ATP8A1: variants seen among roughly 807,000 people sequenced by gnomAD.
ATP8A1 encodes ATPase phospholipid transporting 8A1, also known as phospholipid-transporting ATPase IA.
Under a neutral mutation model 177.7 loss-of-function variants are expected in ATP8A1, and 90 were observed. The observed-to-expected ratio is 0.51, with a 90% CI of 0.43 to 0.60. The LOEUF (loss-of-function observed/expected upper bound fraction) is 0.60, where lower values mean the gene tolerates loss of function less well. Among genes scored for constraint, ATP8A1 ranks in the 20% least tolerant of loss-of-function variants. The pLI is 0.00. For missense variants in ATP8A1, 1,072 were observed against 1,392.8 expected (o/e 0.77, Z 3.67); for synonymous variants, 493 against 485.9 (o/e 1.01, Z -0.19).
intron 35 of ATP8A1, among the ~76,000 whole-genome samples, chr4:42,420,662 C>T (rs540567373): frequency 7.9e-5 from 12 of 152,192 alleles, no homozygotes; most frequent in Admixed American, 1.3e-4. Flanking sequence ...TATTAACATA[C>T]TTACAAATCT....
chr4:42,445,906 C>T (rs1717162698), intron 31 of ATP8A1, among the ~76,000 whole-genome samples: 1 of 151,918 alleles, frequency 6.6e-6, no homozygotes, highest in South Asian at 2.1e-4. Context: ...ATGGTGAAAC[C>T]TTGTCTCTAC....
intron 4 of ATP8A1, among the ~76,000 whole-genome samples, chr4:42,619,603 T>A (rs1019495652): frequency 2.1e-5 from 3 of 142,992 alleles, no homozygotes; most frequent in African/African-American, 7.5e-5. Flanking sequence ...TTTTAATCTA[T>A]CTATCTACAC....
chr4:42,647,341 T>C (rs565738932), intron 1 of ATP8A1, among the ~76,000 whole-genome samples: 3 of 152,280 alleles, frequency 2.0e-5, no homozygotes, highest in African/African-American at 7.2e-5. Flanking sequence ...TTTACAACTA[T>C]GCTGTTCAAT....
rs115334153 is a variant in ATP8A1 at position 42,579,567 on chromosome 4, A to C, written c.1000+246T>G. On this transcript the variant is annotated intron_variant, in intron 11 of 36. Transcript: ENST00000381668. ...TCGTTGATATATATAATAAATGACT[A>C]TACTTAGTGAACATTTTATACCACT... Among the ~76,000 whole-genome samples, 735 of 151,964 alleles carry C rather than the reference A, an allele frequency of 4.8e-3. 4 individuals are homozygous for C. Among genetic ancestry groups the C allele is most frequent in the African/African-American group, 0.017 (689 of 41,516 alleles).
chr4:42,639,721 A>G (rs1739769585), intron 1 of ATP8A1, among the ~76,000 whole-genome samples: 1 of 152,252 alleles, frequency 6.6e-6, no homozygotes, highest in East Asian at 1.9e-4. Context: ...GTTACTAATC[A>G]GAGAAGAACT....
intron 2 of ATP8A1, 38 bp from the exon 3 acceptor site, chr4:42,625,751 C>T: frequency 8.0e-7 from 1 of 1,253,788 alleles, no homozygotes; most frequent in South Asian, 1.4e-5. Context: ...AAAACTTCTC[C>T]ATAATTAGCA....
intron 20 of ATP8A1, among the ~76,000 whole-genome samples, chr4:42,527,445 T>C (rs1283367582): frequency 2.0e-5 from 3 of 152,294 alleles, no homozygotes; most frequent in Middle Eastern, 3.4e-3. Context: ...CCATCCCCAG[T>C]AGGGGCAACT....
At chr4:42,446,526 A>C in intron 31 of ATP8A1, 57 bp downstream of exon 31, 1 of 1,519,506 alleles carries the variant, frequency 6.6e-7, no homozygotes, top group Non-Finnish European at 9.1e-7. Flanking sequence ...AAATAAAATG[A>C]GGACAGATGA....
At chr4:42,634,538 T>A (rs1378657406) in intron 1 of ATP8A1, among the ~76,000 whole-genome samples, 1 of 152,160 alleles carries the variant, frequency 6.6e-6, no homozygotes, top group South Asian at 2.1e-4. Context: ...ATCAATAATG[T>A]TTAAAATACA....
chr4:42,498,569 C>G (rs1459165997), intron 24 of ATP8A1, among the ~76,000 whole-genome samples: 1 of 152,034 alleles, frequency 6.6e-6, no homozygotes, highest in East Asian at 1.9e-4. Flanking sequence ...AAACCTACAG[C>G]TGGTTTGGGG....
intron 25 of ATP8A1, among the ~76,000 whole-genome samples, chr4:42,466,639 A>T (rs756182713): frequency 3.9e-5 from 6 of 152,208 alleles, no homozygotes; most frequent in Non-Finnish European, 7.3e-5. Flanking sequence ...ACCATTTTTA[A>T]TTTTTTCTTT....
intron 25 of ATP8A1, chr4:42,471,849 G>A (rs1401790995): frequency 3.4e-6 from 2 of 585,640 alleles, no homozygotes; most frequent in African/African-American, 1.9e-5. Flanking sequence ...GCCCAACAGC[G>A]AGACGCCAAA....
At chr4:42,544,982 A>C (rs1335938141) in intron 19 of ATP8A1, among the ~76,000 whole-genome samples, 1 of 152,050 alleles carries the variant, frequency 6.6e-6, no homozygotes, top group Non-Finnish European at 1.5e-5. Context: ...CAACATGGTG[A>C]AACCCTGTCT....
chr4:42,642,699 A>G (rs1046315920), intron 1 of ATP8A1, among the ~76,000 whole-genome samples: 1 of 152,222 alleles, frequency 6.6e-6, no homozygotes, highest in African/African-American at 2.4e-5. Context: ...TTCTAATGCC[A>G]TAAATAAAAA....
At chr4:42,648,711 G>C (rs1018507431) in intron 1 of ATP8A1, among the ~76,000 whole-genome samples, 6 of 151,874 alleles carry the variant, frequency 4.0e-5, no homozygotes, top group Non-Finnish European at 8.8e-5. Flanking sequence ...GCACTACAAA[G>C]TTAAGATAAA....
chr4:42,652,963 T>C (rs1741253342), intron 1 of ATP8A1, among the ~76,000 whole-genome samples: 1 of 127,256 alleles, frequency 7.9e-6, no homozygotes, highest in Non-Finnish European at 1.9e-5. Context: ...CCGTTCCTAA[T>C]TCCCGATGTG....
chr4:42,436,768 G>C (rs1440547021), intron 33 of ATP8A1, among the ~76,000 whole-genome samples: 1 of 152,116 alleles, frequency 6.6e-6, no homozygotes, highest in Non-Finnish European at 1.5e-5. Context: ...TCAGCAACAA[G>C]GGTTGGTCTT....
chr4:42,602,061 C>T (rs957754160), intron 5 of ATP8A1, among the ~76,000 whole-genome samples: 1 of 151,872 alleles, frequency 6.6e-6, no homozygotes, highest in African/African-American at 2.4e-5. Context: ...GCTTATAAAA[C>T]AAATTAATGA....
chr4:42,414,630 G>T lies in ATP8A1; in HGVS notation c.3394C>A (p.Leu1132Ile). ...YRSESLQQNL[L>I]HGYAFSQDEN... ...AATAAGAAACTCAAATACTCACGGA[G>T]CAGATTTTGTTGCAAGGATTCAGAG... Residue 1132 changes from leucine (L) to isoleucine (I), a missense_variant, in exon 36 of 37, where the codon CTC (leucine) becomes ATC (isoleucine). Leu to Ile is a conservative substitution (Grantham distance 5). Transcript: ENST00000381668. 6.2e-7 allele frequency: 1 copy of T among 1,613,052 alleles called. No individual in the cohort carries two copies. Among genetic ancestry groups the T allele is most frequent in the Non-Finnish European group, 8.5e-7 (1 of 1,179,068 alleles).
Sources: allele counts gnomAD v4.1 joint callset (sites outside exome capture counted in the v4.1 genomes callset), GRCh38; gene constraint gnomAD v4.1.1; transcripts MANE v1.5; gene names NCBI Gene and HGNC (gene_info 2026-07-23, HGNC 2026-07-21).